The following TEAD1 variants were observed in gnomAD, a reference collection of about 807,000 sequenced individuals.
TEAD1 encodes the protein transcriptional enhancer factor TEF-1.
TEAD1 carries 9 observed loss-of-function variants against 54.9 expected under a neutral mutation model. The ratio of observed to expected loss-of-function variants is 0.16; its 90% CI spans 0.10 to 0.29. The LOEUF (loss-of-function observed/expected upper bound fraction) is 0.29. TEAD1 is among the 10% of genes least tolerant of loss of function. TEAD1 has a pLI of 1.00. For missense variants in TEAD1, 387 were observed against 535.9 expected, an observed-to-expected ratio of 0.72 and a Z score of 2.74; for synonymous variants, 200 against 187.8, an observed-to-expected ratio of 1.07 and a Z score of -0.53.
chr11:12,696,577 A>G (rs1376908735), intron 2 of TEAD1, among the ~76,000 whole-genome samples: 2 of 152,178 alleles, frequency 1.3e-5, no homozygotes, highest in African/African-American at 2.4e-5. Flanking sequence ...GGTTGGCTGC[A>G]GTTTCTGATT....
At chr11:12,764,489 G>C in intron 3 of TEAD1, 55 bp downstream of exon 3, 1 of 1,588,974 alleles carries the variant, frequency 6.3e-7, no homozygotes, top group Non-Finnish European at 8.6e-7. Context: ...TGTGGTAGGG[G>C]ATAGATTGTA....
At chr11:12,925,337 C>T (rs962370550) in intron 11 of TEAD1, among the ~76,000 whole-genome samples, 1 of 152,190 alleles carries the variant, frequency 6.6e-6, no homozygotes, top group African/African-American at 2.4e-5. Flanking sequence ...CAAGGCACGT[C>T]TTCTCATGGT....
At chr11:12,680,691 TTAAG>T (rs1331426187) in intron 2 of TEAD1, among the ~76,000 whole-genome samples, 1 of 152,164 alleles carries the variant, frequency 6.6e-6, no homozygotes, top group Admixed American at 6.5e-5. Context: ...ATTTGTGACA[TTAAG>T]TGTGTGTGTG....
At chr11:12,846,379 C>A (rs1947152734) in intron 3 of TEAD1, among the ~76,000 whole-genome samples, 1 of 152,138 alleles carries the variant, frequency 6.6e-6, no homozygotes, top group Non-Finnish European at 1.5e-5. Context: ...GTTTAAACTG[C>A]TTAAGCGGTT....
At chr11:12,751,863 A>G (rs1590114449) in intron 2 of TEAD1, among the ~76,000 whole-genome samples, 1 of 152,336 alleles carries the variant, frequency 6.6e-6, no homozygotes, top group East Asian at 1.9e-4. Context: ...ACCACCTCTG[A>G]GCACTCTCTG....
At chr11:12,834,409 G>A (rs1004502120) in intron 3 of TEAD1, among the ~76,000 whole-genome samples, 2 of 152,188 alleles carry the variant, frequency 1.3e-5, no homozygotes, top group African/African-American at 4.8e-5. Flanking sequence ...TGAAATCCCA[G>A]TGCTACCATT....
At chr11:12,693,018 G>A (rs1271104979) in intron 2 of TEAD1, among the ~76,000 whole-genome samples, 1 of 152,112 alleles carries the variant, frequency 6.6e-6, no homozygotes, top group Non-Finnish European at 1.5e-5. Context: ...CTGGTCCTGT[G>A]CTTAATGTCT....
At chr11:12,803,102 A>AT (rs144981643) in intron 3 of TEAD1, among the ~76,000 whole-genome samples, 39,601 of 146,574 alleles carry the variant, frequency 0.27, 6,353 homozygotes, top group Middle Eastern at 0.41. Flanking sequence ...TTTCACCTGT[A>AT]TTTTTTTTTT....
chr11:12,752,854 T>C (rs1335474798), intron 2 of TEAD1, among the ~76,000 whole-genome samples: 2 of 152,174 alleles, frequency 1.3e-5, no homozygotes, highest in Non-Finnish European at 2.9e-5. Context: ...ACAGTTTTTT[T>C]TTTTTTAAGA....
intron 3 of TEAD1, among the ~76,000 whole-genome samples, chr11:12,777,019 C>T (rs1945437749): frequency 6.6e-6 from 1 of 151,942 alleles, no homozygotes; most frequent in East Asian, 1.9e-4. Context: ...TCTCTAACTC[C>T]CGACCTCAGG....
chr11:12,829,564 A>G (rs1427662233), intron 3 of TEAD1, among the ~76,000 whole-genome samples: 1 of 152,180 alleles, frequency 6.6e-6, no homozygotes, highest in Non-Finnish European at 1.5e-5. Context: ...CTGACTTGGA[A>G]CATTGATAAT....
intron 2 of TEAD1, among the ~76,000 whole-genome samples, chr11:12,758,396 G>A (rs903936954): frequency 2.9e-5 from 4 of 139,996 alleles, no homozygotes; most frequent in African/African-American, 8.2e-5. Flanking sequence ...CTGTCATCAC[G>A]CCCAGCTAGT....
At position 12,764,418 on chromosome 11, in the gene TEAD1, C is replaced by T. The variant is rs372838270; in HGVS notation, c.186C>T (p.Asp62=). 5.9e-5 allele frequency: 96 copies of T among 1,614,078 alleles called. No individual in the cohort carries two copies. In the African/African-American group the frequency reaches 8.3e-4, roughly 14 times the overall value. The change falls in exon 3 of 13, where the codon GAC becomes GAT. Residue 62 remains aspartate (D), a synonymous_variant. Transcript: ENST00000527636. ...GGAGGAGGAAAATCATCTTATCAGA[C>T]GAAGGCAAAATGTATGGTAAGTGGC...
intron 5 of TEAD1, among the ~76,000 whole-genome samples, chr11:12,866,592 AAAAG>A (rs1199743569): frequency 6.6e-6 from 1 of 152,248 alleles, no homozygotes; most frequent in Non-Finnish European, 1.5e-5. Flanking sequence ...ACAATAATAA[AAAAG>A]AAACATTCCC....
chr11:12,696,154 A>C (rs1361866806), intron 2 of TEAD1, among the ~76,000 whole-genome samples: 1 of 152,234 alleles, frequency 6.6e-6, no homozygotes, highest in Non-Finnish European at 1.5e-5. Context: ...TTGTGGATTT[A>C]ACAAAGGTCG....
chr11:12,694,841 G>T (rs1194773144), intron 2 of TEAD1, among the ~76,000 whole-genome samples: 1 of 152,178 alleles, frequency 6.6e-6, no homozygotes, highest in African/African-American at 2.4e-5. Context: ...GGAGTCATTG[G>T]AAGTTCTGAT....
intron 3 of TEAD1, among the ~76,000 whole-genome samples, chr11:12,775,426 G>A (rs1342248199): frequency 1.3e-5 from 2 of 152,098 alleles, no homozygotes; most frequent in East Asian, 1.9e-4. Context: ...CATCCCCACC[G>A]GACCCCCACC....
intron 9 of TEAD1, among the ~76,000 whole-genome samples, chr11:12,894,556 C>A (rs1011174876): frequency 2.6e-5 from 4 of 152,104 alleles, no homozygotes; most frequent in African/African-American, 9.7e-5. Context: ...CTTTGCATGC[C>A]TTAGAGGAAG....
chr11:12,887,834 T>G (rs1054591581), intron 9 of TEAD1, among the ~76,000 whole-genome samples: 4 of 152,236 alleles, frequency 2.6e-5, no homozygotes, highest in Non-Finnish European at 1.5e-5. Flanking sequence ...ACCACATTAA[T>G]TTGATAAGCG....
Sources: allele counts gnomAD v4.1 joint callset (sites outside exome capture counted in the v4.1 genomes callset), GRCh38; gene constraint gnomAD v4.1.1; transcripts MANE v1.5; gene names NCBI Gene and HGNC (gene_info 2026-07-23, HGNC 2026-07-21).